The following PMPCA variants were observed in gnomAD, a reference collection of about 807,000 sequenced individuals.
PMPCA encodes the protein peptidase, mitochondrial processing subunit alpha.
A neutral mutation model predicts 59.3 loss-of-function variants in PMPCA; 47 were observed. The ratio of observed to expected loss-of-function variants is 0.79; its 90% confidence interval spans 0.63 to 1.01. The LOEUF is 1.01. Among genes scored for constraint, PMPCA ranks in the 50% least tolerant of loss-of-function variants. The pLI is 0.00. For synonymous variants in PMPCA, 338 were observed against 290.3 expected, an observed-to-expected ratio of 1.16 and a Z score of -1.67; for missense variants, 726 against 704.5, an observed-to-expected ratio of 1.03 and a Z score of -0.34.
Position 136,423,542 on chromosome 9 carries a change from C to T in PMPCA, c.*278C>T, listed in dbSNP as rs1265830816. 1.1e-4 allele frequency: 42 copies of T among 385,432 alleles called. 2 individuals are homozygous for T. The highest frequency in any genetic ancestry group is 1.0e-3 in the South Asian group (31 of 30,078). 23.9% of individuals were successfully genotyped at this position (385,432 alleles called of 1,614,324 possible). A position where few individuals can be genotyped will look rare whatever the true frequency, so the allele number is the denominator to read the frequency against. On this transcript the variant is annotated 3_prime_UTR_variant, in exon 13 of 13. Coordinates refer to ENST00000371717, the MANE Select transcript of PMPCA (RefSeq NM_015160.3). ...GGAGGGCGGTCGGTGCTTCCCTCCT[C>T]GGGCTGTGGGCACATGGGGCCCCGC...
chr9:136,420,009 CAG>C (rs1431839954), intron 11 of PMPCA: 1 of 148,408 alleles, frequency 6.7e-6, no homozygotes, highest in Non-Finnish European at 1.5e-5. Context: ...TTTTTTTAGA[CAG>C]AGTCTTGCTC....
chr9:136,412,333 T>C (rs1835153145), intron 2 of PMPCA, 134 bp downstream of exon 2: 1 of 819,988 alleles, frequency 1.2e-6, no homozygotes, highest in Admixed American at 1.8e-5. Flanking sequence ...ATTTCATAAA[T>C]GTTGAGCTAC....
Position 136,410,710 on chromosome 9 carries a change from C to T in PMPCA, c.42C>T (p.Gly14=). 2.1e-6 allele frequency: 3 copies of T among 1,422,584 alleles called. No individual in the cohort carries two copies. Among genetic ancestry groups the T allele is most frequent in the Non-Finnish European group, 1.8e-6 (2 of 1,091,470 alleles). 88.1% of individuals were successfully genotyped at this position (1,422,584 alleles called of 1,614,324 possible). Residue 14 remains glycine (G), a synonymous_variant, in exon 1 of 13, where the codon GGC becomes GGT. Transcript: ENST00000371717. ...VVLAATRLLR[G]SGSWGCSRLR... ...TGGCGGCGACGCGGTTGCTGCGGGG[C>T]TCGGGTTCTTGGGGCTGTTCGCGGC...
chr9:136,421,290 A>G (rs1170913696), intron 11 of PMPCA, among the ~76,000 whole-genome samples: 3 of 151,904 alleles, frequency 2.0e-5, no homozygotes, highest in Admixed American at 1.3e-4. Flanking sequence ...AGGGAGGCAC[A>G]TTGCTCCTGT....
Position 136,419,401 on chromosome 9 carries a change from G to C in PMPCA, c.1263+295G>C, listed in dbSNP as rs1047666097. On this transcript the variant is annotated intron_variant, in intron 11 of 12. Transcript: ENST00000371717. Reference sequence around the variant, plus strand: ...TTCTCTGAGCCACTGGGTGAGTCGTGGGACTGACCATGTGACTCTCTCAGC... The same window carrying C: ...TTCTCTGAGCCACTGGGTGAGTCGTCGGACTGACCATGTGACTCTCTCAGC... 6 of 526,014 alleles carry C rather than the reference G, an allele frequency of 1.1e-5. No homozygotes were observed. In the African/African-American group the frequency reaches 1.1e-4, roughly 10 times the overall value. The allele number at this position is 526,014 out of a possible 1,614,324, so 32.6% of individuals were successfully genotyped here.
intron 8 of PMPCA, 94 bp from the exon 9 acceptor site, chr9:136,418,461 C>A: frequency 1.2e-6 from 1 of 821,620 alleles, no homozygotes; most frequent in Non-Finnish European, 2.1e-6. Context: ...GTGGCTTGGG[C>A]GACTCAGCCA....
chr9:136,413,311 C>T (rs1835187292), intron 4 of PMPCA, among the ~76,000 whole-genome samples: 2 of 152,180 alleles, frequency 1.3e-5, no homozygotes, highest in Non-Finnish European at 2.9e-5. Flanking sequence ...GGGCACAAGG[C>T]ATTCCAGACC....
At chr9:136,413,010 G>T in intron 4 of PMPCA, 118 bp downstream of exon 4, 1 of 720,868 alleles carries the variant, frequency 1.4e-6, no homozygotes. Context: ...ACGGGGAGAA[G>T]GAGCCCTGTC....
chr9:136,422,922 T>G lies in PMPCA; in HGVS notation c.1409-173T>G, dbSNP rs1344434687. 18 of 1,424,208 alleles carry G rather than the reference T, an allele frequency of 1.3e-5. No individual in the cohort carries two copies. In the African/African-American group the frequency reaches 2.2e-4, roughly 17 times the overall value. The allele number at this position is 1,424,208 out of a possible 1,614,324, so 88.2% of individuals were successfully genotyped here. A position where few individuals can be genotyped will look rare whatever the true frequency, so the allele number is the denominator to read the frequency against. The stretch of plus-strand genomic sequence containing the variant: ...CTGAGAACTCAACGTCTGTCACTTG[T>G]GGACTCACCCTTGGCTACACCCAGT... On this transcript the variant is annotated intron_variant, in intron 12 of 12. Transcript: ENST00000371717.
At chr9:136,411,764 T>C (rs1835124651) in intron 1 of PMPCA, among the ~76,000 whole-genome samples, 2 of 152,228 alleles carry the variant, frequency 1.3e-5, no homozygotes, top group African/African-American at 4.8e-5. Context: ...AAGCCCTGTT[T>C]TTACAGAGAT....
chr9:136,412,032 G>A lies in PMPCA; in HGVS notation c.107G>A (p.Gly36Asp), dbSNP rs769911539. 8.1e-6 allele frequency: 13 copies of A among 1,613,396 alleles called. No homozygotes were observed. In the South Asian group the frequency reaches 1.3e-4, roughly 16 times the overall value. ...GPPAYRRFSS[G>D]GAYPNIPLSS... ...CCTGCGTACAGACGGTTTAGTAGTG[G>A]TGGTGCCTATCCCAACATCCCCCTC... The change falls in exon 2 of 13, where the codon GGT (glycine) becomes GAT (aspartate). Residue 36 changes from glycine to aspartate, a missense_variant. Transcript: ENST00000371717.
At chr9:136,416,012 T>C in intron 5 of PMPCA, 1 of 540,996 alleles carries the variant, frequency 1.8e-6, no homozygotes, top group Non-Finnish European at 3.3e-6. Flanking sequence ...TCCAGTGTCT[T>C]CGGTGCCTTT....
intron 12 of PMPCA, chr9:136,422,844 C>T (rs1835496712): frequency 7.6e-7 from 1 of 1,311,404 alleles, no homozygotes; most frequent in Non-Finnish European, 9.8e-7. Context: ...AAGTGTAACT[C>T]TTCTTGGGTG....
At chr9:136,423,013 C>T in intron 12 of PMPCA, 82 bp from the exon 13 acceptor site, 2 of 1,503,312 alleles carry the variant, frequency 1.3e-6, no homozygotes, top group East Asian at 2.4e-5. Flanking sequence ...AGACCAGCCG[C>T]CCCCTCCGTG....
At chr9:136,411,735 AGAGT>A (rs1412733132) in intron 1 of PMPCA, among the ~76,000 whole-genome samples, 1 of 152,248 alleles carries the variant, frequency 6.6e-6, no homozygotes, top group Non-Finnish European at 1.5e-5. Context: ...AACTGCACTT[AGAGT>A]GAGTTACTGT....
At chr9:136,422,211 C>A in intron 12 of PMPCA, 1 of 1,475,480 alleles carries the variant, frequency 6.8e-7, no homozygotes, top group Non-Finnish European at 9.1e-7. Flanking sequence ...CAGGTGACCC[C>A]ACCCTCTGCA....
At position 136,414,583 on chromosome 9, in the gene PMPCA, T is replaced by C; in HGVS notation, c.468T>C (p.Asp156=). ...CCACCATGTATGCTGTGTCTGCTGA[T>C]AGCAAAGGCTTGGACACGGTGGTTG... is the stretch of plus-strand genomic sequence containing the variant. The part of the protein sequence containing the change: ...RDTTMYAVSA[D]SKGLDTVVAL... Residue 156 remains aspartate, a synonymous_variant, in exon 5 of 13, where the codon GAT becomes GAC. Transcript: ENST00000371717. 1.2e-6 allele frequency: 2 copies of C among 1,613,464 alleles called. No homozygotes were observed. The highest frequency in any genetic ancestry group is 1.7e-6 in the Non-Finnish European group (2 of 1,179,390).
In PMPCA at chr9:136,423,270, C is replaced by G. The variant is rs775376057; in HGVS notation, c.*6C>G. ...CGTACCGGCTCTTCCGGTAGAACCG[C>G]TCCCCGGCCTGACAGACCCAGGGAG... is the stretch of plus-strand genomic sequence containing the variant. On this transcript the variant is annotated 3_prime_UTR_variant, in exon 13 of 13. Coordinates refer to ENST00000371717, the MANE Select transcript of PMPCA (RefSeq NM_015160.3). 6.2e-7 allele frequency: 1 copy of G among 1,607,724 alleles called. No homozygotes were observed. The highest frequency in any genetic ancestry group is 2.2e-5 in the East Asian group (1 of 44,772).
intron 3 of PMPCA, 84 bp downstream of exon 3, chr9:136,412,653 AAATT>A: frequency 1.2e-6 from 1 of 814,262 alleles, no homozygotes; most frequent in African/African-American, 1.7e-5. Context: ...TTATTTTAAT[AAATT>A]ATCAAGTTGC....
Sources: allele counts gnomAD v4.1 joint callset (sites outside exome capture counted in the v4.1 genomes callset), GRCh38; gene constraint gnomAD v4.1.1; transcripts MANE v1.5; gene names NCBI Gene and HGNC (gene_info 2026-07-23, HGNC 2026-07-21).